Variants in UPRT observed in about 807,000 individuals in gnomAD.
UPRT encodes the protein uracil phosphoribosyltransferase homolog.
UPRT carries 5 observed loss-of-function variants against 22.6 expected under a neutral mutation model. The observed-to-expected ratio is 0.22, with a 90% CI of 0.12 to 0.47. The LOEUF (loss-of-function observed/expected upper bound fraction) is 0.47. UPRT is among the 20% of genes least tolerant of loss of function. The pLI is 0.99. For missense variants in UPRT, 181 were observed against 239.9 expected (o/e 0.75, Z 1.62); for synonymous variants, 77 against 87.7 (o/e 0.88, Z 0.68).
chrX:75,298,475 T>C (rs1435582697), intron 4 of UPRT, among the ~76,000 whole-genome samples: 1 of 110,174 alleles, frequency 9.1e-6, no homozygotes, highest in Non-Finnish European at 1.9e-5. Flanking sequence ...GATTAGAACC[T>C]TTACCTGTTA....
chrX:75,198,722 G>A (rs1483413644), intron 4 of UPRT, among the ~76,000 whole-genome samples: 2 of 111,260 alleles, frequency 1.8e-5, no homozygotes, highest in Non-Finnish European at 1.9e-5. Context: ...ATGCAGATAG[G>A]TGAGCACCCA....
chrX:75,237,128 A>T lies in UPRT; in HGVS notation c.-446-53896A>T, dbSNP rs1335685333. ...GAAAAAACAAACAAACCCATCAAAC[A>T]GTGAGTAAAGGACATGAACAGATAC... On this transcript the variant is annotated intron_variant, in intron 4 of 13. Coordinates refer to the UPRT transcript ENST00000652605. Among the ~76,000 whole-genome samples, 6 of 112,539 alleles carry T rather than the reference A, an allele frequency of 5.3e-5. No homozygotes were observed. The South Asian group carries it at 1.8e-3, about 34-fold the overall frequency.
intron 4 of UPRT, among the ~76,000 whole-genome samples, chrX:75,263,211 T>C (rs2082574896): frequency 8.9e-6 from 1 of 111,899 alleles, no homozygotes; most frequent in South Asian, 3.7e-4. Context: ...CAGGCTTTGG[T>C]ATCACGATGA....
At chrX:75,289,154 G>A (rs1291123778) in intron 1 of UPRT, among the ~76,000 whole-genome samples, 3 of 110,460 alleles carry the variant, frequency 2.7e-5, no homozygotes, top group Non-Finnish European at 5.7e-5. Context: ...GACCAGCCTG[G>A]GCAATATAGT....
intron 4 of UPRT, among the ~76,000 whole-genome samples, chrX:75,258,169 G>A (rs144668461): frequency 0.015 from 1,631 of 105,674 alleles, 19 homozygotes; most frequent in Non-Finnish European, 0.023. Flanking sequence ...AGCCATTTCG[G>A]CAGACACCAA....
At chrX:75,173,666 G>A (rs1007321404) in intron 4 of UPRT, among the ~76,000 whole-genome samples, 2 of 112,405 alleles carry the variant, frequency 1.8e-5, no homozygotes, top group African/African-American at 6.5e-5. Flanking sequence ...TCGTCGGGGA[G>A]GCTCGGGCCA....
At chrX:75,250,182 C>G (rs966595409) in intron 4 of UPRT, among the ~76,000 whole-genome samples, 3 of 110,642 alleles carry the variant, frequency 2.7e-5, no homozygotes, top group African/African-American at 9.9e-5. Context: ...CATTCAAAAG[C>G]TAGCAGAAGG....
chrX:75,243,392 G>T (rs1402072660), intron 4 of UPRT, among the ~76,000 whole-genome samples: 1 of 111,497 alleles, frequency 9.0e-6, no homozygotes, highest in Non-Finnish European at 1.9e-5. Context: ...TCCTGTCTTG[G>T]ATCTGTTCCA....
At chrX:75,222,323 C>T (rs2082412376) in intron 4 of UPRT, among the ~76,000 whole-genome samples, 2 of 111,638 alleles carry the variant, frequency 1.8e-5, no homozygotes, top group South Asian at 3.8e-4. Context: ...TCAAGACCCA[C>T]TGTAACCACT....
chrX:75,220,703 A>G (rs2082407171), intron 4 of UPRT, among the ~76,000 whole-genome samples: 1 of 112,009 alleles, frequency 8.9e-6, no homozygotes, highest in African/African-American at 3.2e-5. Flanking sequence ...AAACTAATAT[A>G]AACTCTACAT....
chrX:75,167,685 T>C (rs979064575), intron 3 of UPRT, among the ~76,000 whole-genome samples: 2 of 111,968 alleles, frequency 1.8e-5, no homozygotes, highest in African/African-American at 6.5e-5. Context: ...ACGTGTATAT[T>C]TTCTTTTGAA....
chrX:75,212,537 C>T (rs2082382798), intron 4 of UPRT, among the ~76,000 whole-genome samples: 1 of 111,980 alleles, frequency 8.9e-6, no homozygotes, highest in Admixed American at 9.5e-5. Flanking sequence ...ATGGAATCAA[C>T]CCAAAGGCCC....
At chrX:75,256,441 C>T (rs1330089717) in intron 4 of UPRT, among the ~76,000 whole-genome samples, 1 of 111,046 alleles carries the variant, frequency 9.0e-6, no homozygotes, top group African/African-American at 3.3e-5. Flanking sequence ...AATCTAAGAT[C>T]ACACCTCAAG....
intron 4 of UPRT, among the ~76,000 whole-genome samples, chrX:75,189,155 G>A (rs963783829): frequency 1.8e-5 from 2 of 112,218 alleles, no homozygotes; most frequent in African/African-American, 6.5e-5. Context: ...TGCTTTAAAT[G>A]TGTTCCAGAG....
intron 4 of UPRT, among the ~76,000 whole-genome samples, chrX:75,299,311 C>T (rs1296799369): frequency 2.7e-5 from 3 of 112,484 alleles, no homozygotes; most frequent in Non-Finnish European, 5.6e-5. Flanking sequence ...TTCTGATCTA[C>T]ATCCTTTATT....
At chrX:75,266,440 C>T (rs1050052030) in intron 4 of UPRT, among the ~76,000 whole-genome samples, 7 of 111,357 alleles carry the variant, frequency 6.3e-5, no homozygotes, top group African/African-American at 1.6e-4. Context: ...AAAATTAATT[C>T]GAGATGGATT....
At chrX:75,222,663 C>T (rs1013365833) in intron 4 of UPRT, among the ~76,000 whole-genome samples, 2 of 111,117 alleles carry the variant, frequency 1.8e-5, no homozygotes, top group Non-Finnish European at 3.8e-5. Flanking sequence ...CTGGCATTCA[C>T]TTAAGGCCCA....
At chrX:75,288,952 CA>C (rs967123015) in intron 1 of UPRT, among the ~76,000 whole-genome samples, 3 of 111,542 alleles carry the variant, frequency 2.7e-5, no homozygotes, top group African/African-American at 9.8e-5. Context: ...TAGATTCCAC[CA>C]AAAGGCTCCT....
At chrX:75,217,499 TCTC>T (rs1279028148) in intron 4 of UPRT, among the ~76,000 whole-genome samples, 1 of 111,603 alleles carries the variant, frequency 9.0e-6, no homozygotes, top group African/African-American at 3.3e-5. Flanking sequence ...GGTTTGTAGT[TCTC>T]CTTGAAGAGG....
Sources: gnomAD v4.1 joint callset for allele counts (sites outside exome capture counted in the v4.1 genomes callset) on GRCh38, gnomAD v4.1.1 for gene constraint, MANE v1.5 for transcripts, NCBI Gene and HGNC (gene_info 2026-07-23, HGNC 2026-07-21) for gene names.